Variants in ITPRID1 observed in about 807,000 individuals in gnomAD.
The protein encoded by ITPRID1 is ITPR interacting domain containing 1, also known as protein ITPRID1.
A neutral mutation model predicts 95.4 loss-of-function variants in ITPRID1; 96 were observed. The ratio of observed to expected loss-of-function variants is 1.01; its 90% CI spans 0.85 to 1.19. ITPRID1 has a LOEUF of 1.19. ITPRID1 is among the 50% of genes most tolerant of loss of function. ITPRID1 has a pLI of 0.00. For missense variants in ITPRID1, 1,339 were observed against 1,252.9 expected, an observed-to-expected ratio of 1.07 and a Z score of -1.04; for synonymous variants, 510 against 453.6, an observed-to-expected ratio of 1.12 and a Z score of -1.58.
intron 8 of ITPRID1, 65 bp downstream of exon 8, chr7:31,574,807 T>C: frequency 2.1e-6 from 3 of 1,407,188 alleles, no homozygotes; most frequent in Admixed American, 1.8e-5. Flanking sequence ...TGGGCCACAG[T>C]GTAGGCGAGG....
intron 10 of ITPRID1, among the ~76,000 whole-genome samples, chr7:31,614,559 G>T (rs38336): frequency 0.97 from 147,776 of 152,294 alleles, 71,732 homozygotes; most frequent in East Asian, 0.99. Flanking sequence ...TTCTCCTGTT[G>T]TATTTAATAC....
chr7:31,591,799 T>C (rs1274957865), intron 10 of ITPRID1, among the ~76,000 whole-genome samples: 1 of 152,212 alleles, frequency 6.6e-6, no homozygotes, highest in African/African-American at 2.4e-5. Flanking sequence ...CACTATTTGA[T>C]TTTTTAATGT....
At chr7:31,626,384 T>C (rs1788469549) in intron 10 of ITPRID1, among the ~76,000 whole-genome samples, 1 of 152,222 alleles carries the variant, frequency 6.6e-6, no homozygotes, top group Non-Finnish European at 1.5e-5. Flanking sequence ...AACCTTATGT[T>C]CTAAGAAGTG....
Position 31,652,893 on chromosome 7 carries a change from A to C in ITPRID1, c.*64A>C. On this transcript the variant is annotated 3_prime_UTR_variant, in exon 15 of 15. Transcript: ENST00000615280. ...GGCCCAGAACAGATGTAGCAAGGAA[A>C]TTTCAATTTTCCCCAAGGAGAAGGG... 1.9e-6 allele frequency: 3 copies of C among 1,553,856 alleles called. No homozygotes were observed. The highest frequency in any genetic ancestry group is 2.6e-6 in the Non-Finnish European group (3 of 1,148,302).
At chr7:31,657,365 C>T (rs1035368685), downstream of ITPRID1, among the ~76,000 whole-genome samples, 28 of 152,254 alleles carry the variant, frequency 1.8e-4, no homozygotes, top group African/African-American at 5.3e-4. Flanking sequence ...CTTCTGTCTG[C>T]GTTATACATT....
chr7:31,528,396 T>C (rs1288876081), intron 1 of ITPRID1, among the ~76,000 whole-genome samples: 1 of 152,184 alleles, frequency 6.6e-6, no homozygotes, highest in Non-Finnish European at 1.5e-5. Flanking sequence ...TCGGTTAAAG[T>C]ATGCTTTGTC....
chr7:31,625,363 G>T (rs1046268197), intron 10 of ITPRID1, among the ~76,000 whole-genome samples: 6 of 151,912 alleles, frequency 3.9e-5, no homozygotes, highest in East Asian at 1.9e-4. Flanking sequence ...CAAAGACTTG[G>T]AACCAACCCA....
intron 10 of ITPRID1, among the ~76,000 whole-genome samples, chr7:31,595,889 TAAAGAA>T (rs1562596019): frequency 6.6e-6 from 1 of 151,670 alleles, no homozygotes; most frequent in East Asian, 1.9e-4. Context: ...AATATCAAAA[TAAAGAA>T]AAGAAATGTA....
At chr7:31,538,721 C>T (rs1199516660) in intron 1 of ITPRID1, among the ~76,000 whole-genome samples, 1 of 152,130 alleles carries the variant, frequency 6.6e-6, no homozygotes, top group Non-Finnish European at 1.5e-5. Context: ...CTGAGTGTGT[C>T]ATATCAGGAG....
At chr7:31,578,503 GC>G in intron 9 of ITPRID1, 69 bp downstream of exon 9, 1 of 1,175,482 alleles carries the variant, frequency 8.5e-7, no homozygotes, top group Non-Finnish European at 1.2e-6. Flanking sequence ...TTGTTTTCCA[GC>G]CCTCATTTCA....
intron 10 of ITPRID1, among the ~76,000 whole-genome samples, chr7:31,614,595 C>G (rs989589472): frequency 6.6e-6 from 1 of 152,100 alleles, no homozygotes; most frequent in African/African-American, 2.4e-5. Flanking sequence ...TAGAACAGTT[C>G]CTGGTACGTA....
At chr7:31,527,520 C>G (rs570241317) in intron 1 of ITPRID1, among the ~76,000 whole-genome samples, 18 of 152,052 alleles carry the variant, frequency 1.2e-4, no homozygotes, top group Non-Finnish European at 2.2e-4. Flanking sequence ...GGTTTTCAAT[C>G]TCACCTTTTG....
In ITPRID1 at chr7:31,578,138, G is replaced by C; in HGVS notation, c.874G>C (p.Asp292His). 2 of 1,613,778 alleles carry C rather than the reference G, an allele frequency of 1.2e-6. No individual in the cohort carries two copies. Among genetic ancestry groups the C allele is most frequent in the Non-Finnish European group, 1.7e-6 (2 of 1,179,824 alleles). ...TTTTGTTCCCTTTACAAAACCATGGGATTGTGGAGCAGAGCTAGCAGCAAC... is the reference window on the plus strand; with the variant it reads ...TTTTGTTCCCTTTACAAAACCATGGCATTGTGGAGCAGAGCTAGCAGCAAC... ...EVFVPFTKPWDCGAELAATSI... is the reference protein window; with the variant it reads ...EVFVPFTKPWHCGAELAATSI... Residue 292 changes from aspartate to histidine, a missense_variant, in exon 9 of 15, where the codon GAT becomes CAT. Asp to His is a moderately conservative substitution (Grantham distance 81). Transcript: ENST00000615280.
intron 1 of ITPRID1, among the ~76,000 whole-genome samples, chr7:31,541,788 T>C (rs1267775461): frequency 1.3e-5 from 2 of 152,174 alleles, no homozygotes; most frequent in Non-Finnish European, 2.9e-5. Context: ...CCAATTTTAA[T>C]GTTTGACCAT....
chr7:31,635,362 A>C (rs1376384050), intron 10 of ITPRID1, among the ~76,000 whole-genome samples: 1 of 152,190 alleles, frequency 6.6e-6, no homozygotes, highest in Non-Finnish European at 1.5e-5. Context: ...AATCTCTCAA[A>C]ACGATTGACA....
intron 10 of ITPRID1, among the ~76,000 whole-genome samples, chr7:31,637,138 G>A (rs1389150482): frequency 1.3e-5 from 2 of 151,900 alleles, no homozygotes; most frequent in African/African-American, 4.8e-5. Context: ...GTCTATCGTT[G>A]TTGGACATTT....
chr7:31,622,809 G>A (rs1345527115), intron 10 of ITPRID1, among the ~76,000 whole-genome samples: 5 of 152,070 alleles, frequency 3.3e-5, no homozygotes, highest in Admixed American at 2.6e-4. Flanking sequence ...AAAAATTAAT[G>A]AATCCAGGAG....
intron 6 of ITPRID1, among the ~76,000 whole-genome samples, chr7:31,571,498 G>A (rs575678444): frequency 6.6e-6 from 1 of 152,324 alleles, no homozygotes; most frequent in South Asian, 2.1e-4. Flanking sequence ...TGAGCTATAT[G>A]TATAAAACTG....
intron 12 of ITPRID1, among the ~76,000 whole-genome samples, chr7:31,647,673 C>CAAAAA (rs11345351): frequency 2.6e-4 from 18 of 69,330 alleles, no homozygotes; most frequent in Middle Eastern, 0.01. Context: ...GTCTCCGTCT[C>CAAAAA]AAAAAAAAAA....
Sources: allele counts gnomAD v4.1 joint callset (sites outside exome capture counted in the v4.1 genomes callset), GRCh38; gene constraint gnomAD v4.1.1; transcripts MANE v1.5; gene names NCBI Gene and HGNC (gene_info 2026-07-23, HGNC 2026-07-21).